KLF4: variants seen among roughly 807,000 people sequenced by gnomAD.
KLF4 encodes the protein Krueppel-like factor 4.
Under a neutral mutation model 38.0 loss-of-function variants are expected in KLF4, and 14 were observed. The ratio of observed to expected loss-of-function variants is 0.37; its 90% CI spans 0.24 to 0.58. KLF4 has a LOEUF of 0.58. Among genes scored for constraint, KLF4 ranks in the 20% least tolerant of loss-of-function variants. The pLI, the probability that KLF4 is intolerant of heterozygous loss-of-function variation, is 0.76. For missense variants in KLF4, 737 were observed against 670.1 expected (o/e 1.10, Z -1.10); for synonymous variants, 398 against 302.5 (o/e 1.32, Z -3.28).
rs1396774475 is a variant in KLF4 at position 107,487,150 on chromosome 9, G to A, written c.1142C>T (p.Pro381Leu). The A allele has an allele frequency of 3.1e-6, 5 of 1,614,058 alleles. No homozygotes were observed. The highest frequency in any genetic ancestry group is 2.2e-5 in the South Asian group (2 of 91,092). ...GGGCCACGATCGTCTTCCCCTCTTT[G>A]GCTTGGGCTCCTCTGGCATGCAGGA... is the stretch of plus-strand genomic sequence containing the variant. ...PGSCMPEEPK[P>L]KRGRRSWPRK... The change falls in exon 4 of 5, where the codon CCA (proline) becomes CTA (leucine). Residue 381 changes from proline to leucine, a missense_variant. Around this residue, in one of 2 missense-constraint regions of KLF4, gnomAD observed 695 missense variants for 554.5 expected, o/e 1.25. Transcript: ENST00000374672. This position sits in a 1 kb window ranked among gnomAD's most constrained non-coding sequence, Gnocchi z 6.1.
chr9:107,485,769 G>A lies in KLF4; in HGVS notation c.1422C>T (p.His474=), dbSNP rs1351947023. The A allele has an allele frequency of 1.3e-6, 2 of 1,597,696 alleles. No individual in the cohort carries two copies. Among genetic ancestry groups the A allele is most frequent in the East Asian group, 2.3e-5 (1 of 44,380 alleles). The change falls in exon 5 of 5, where the codon CAC becomes CAT. Residue 474 remains histidine (H), a synonymous_variant. Transcript: ENST00000374672. The surrounding 1 kb of genome is among the most constrained non-coding windows in gnomAD (Gnocchi z 4.9). ...AFSRSDHLAL[H]MKRHF ...CTGGGATTTAAAAATGCCTCTTCAT[G>A]TGTAAGGCGAGGTGGTCCGACCTGG... is the stretch of plus-strand genomic sequence containing the variant.
chr9:107,489,601 T>C lies in KLF4; in HGVS notation c.-429A>G. ...GCAAGGCGCGGACTCCGGTGAGTTG[T>C]GTGGAGCGCGCGCGGCCATGGGCGC... On this transcript the variant is annotated 5_prime_UTR_variant, in exon 1 of 5. Coordinates refer to ENST00000374672, the MANE Select transcript of KLF4 (RefSeq NM_004235.6). The C allele has an allele frequency of 6.3e-6, 1 of 159,268 alleles. No homozygotes were observed. Among genetic ancestry groups the C allele is most frequent in the East Asian group, 9.1e-5 (1 of 11,002 alleles). The allele number at this position is 159,268 out of a possible 1,614,324, so 9.9% of individuals were successfully genotyped here.
Position 107,488,954 on chromosome 9 carries a change from C to T in KLF4, c.102G>A (p.Leu34=), listed in dbSNP as rs140895626. 35 of 1,561,418 alleles carry T rather than the reference C, an allele frequency of 2.2e-5. No homozygotes were observed. The African/African-American group carries it at 4.2e-4, about 19-fold the overall frequency. Residue 34 remains leucine, a synonymous_variant, in exon 2 of 5, where the codon CTG becomes CTA. Coordinates refer to ENST00000374672, the MANE Select transcript of KLF4 (RefSeq NM_004235.6). The surrounding 1 kb of genome is among the most constrained non-coding windows in gnomAD (Gnocchi z 5.7). ...CGTTATTCGGGGCACCTGCTTGACG[C>T]AGTGTCTTCTCCCTTCCCGCCGGGC... ...ASGPAGREKT[L]RQAGAPNNRW...
At position 107,487,324 on chromosome 9, in the gene KLF4, T is replaced by C. The variant is rs914464265; in HGVS notation, c.1070A>G (p.Gln357Arg). The change falls in exon 3 of 5, where the codon CAG becomes CGG. Residue 357 changes from glutamine to arginine, a missense_variant. Gln to Arg is a conservative substitution (Grantham distance 43). Transcript: ENST00000374672. This position sits in a 1 kb window ranked among gnomAD's most constrained non-coding sequence, Gnocchi z 6.1. ...GTAATGGAGCGGCGGGACTTGCGGC[T>C]GCATCTGATCGGGCAGGAAGGATGG... ...NYPSFLPDQM[Q>R]PQVPPLHYQE... 12 of 1,567,896 alleles carry C rather than the reference T, an allele frequency of 7.7e-6. No homozygotes were observed. The highest frequency in any genetic ancestry group is 1.7e-4 in the Middle Eastern group (1 of 5,838).
chr9:107,489,471 T>G lies in KLF4; in HGVS notation c.-299A>C. 1 of 336,430 alleles carries G rather than the reference T, an allele frequency of 3.0e-6. No individual in the cohort carries two copies. The highest frequency in any genetic ancestry group is 5.3e-6 in the Non-Finnish European group (1 of 187,876). The allele number at this position is 336,430 out of a possible 1,614,324, so 20.8% of individuals were successfully genotyped here. A position where few individuals can be genotyped will look rare whatever the true frequency, so the allele number is the denominator to read the frequency against. On this transcript the variant is annotated 5_prime_UTR_variant, in exon 1 of 5. Coordinates refer to ENST00000374672, the MANE Select transcript of KLF4 (RefSeq NM_004235.6). ...GTCCCCCACCACTGTCGCGGTCGCCTCGAGTGCTGCCGTGGGCGCAGGGGC... is the reference window on the plus strand; with the variant it reads ...GTCCCCCACCACTGTCGCGGTCGCCGCGAGTGCTGCCGTGGGCGCAGGGGC...
rs1300544628 is a variant in KLF4 at position 107,488,193 on chromosome 9, C to T, written c.201G>A (p.Ala67=). Residue 67 remains alanine (A), a synonymous_variant, in exon 3 of 5, where the codon GCG becomes GCA. Coordinates refer to ENST00000374672, the MANE Select transcript of KLF4 (RefSeq NM_004235.6). This position sits in a 1 kb window ranked among gnomAD's most constrained non-coding sequence, Gnocchi z 5.7. The part of the protein sequence containing the change: ...VLPGRPYDLA[A]ATVATDLESG... ...TCTCCAGGTCTGTGGCCACGGTCGCCGCCGCCAGGTCATAGGGGCGGCCGG... is the reference window on the plus strand; with the variant it reads ...TCTCCAGGTCTGTGGCCACGGTCGCTGCCGCCAGGTCATAGGGGCGGCCGG... 6.2e-7 allele frequency: 1 copy of T among 1,612,038 alleles called. No homozygotes were observed. The highest frequency in any genetic ancestry group is 8.5e-7 in the Non-Finnish European group (1 of 1,179,716).
Position 107,485,830 on chromosome 9 carries a change from C to T in KLF4, c.1361G>A (p.Arg454His). The T allele has an allele frequency of 6.2e-7, 1 of 1,611,496 alleles. No individual in the cohort carries two copies. Among genetic ancestry groups the T allele is most frequent in the South Asian group, 1.1e-5 (1 of 90,382 alleles). The change falls in exon 5 of 5, where the codon CGC (arginine) becomes CAC (histidine). Residue 454 changes from arginine (R) to histidine (H), a missense_variant. Physicochemically the swap from Arg to His is conservative, Grantham distance 29 (BLOSUM62 0). Around this residue, in one of 2 missense-constraint regions of KLF4, gnomAD observed 42 missense variants for 115.5 expected, o/e 0.36. Transcript: ENST00000374672. The surrounding 1 kb of genome is among the most constrained non-coding windows in gnomAD (Gnocchi z 4.9). ...TRHYRKHTGH[R>H]PFQCQKCDRA... is the part of the protein sequence containing the mutation. The stretch of plus-strand genomic sequence containing the variant: ...GTCGCATTTTTGGCACTGGAACGGG[C>T]GGTGCCCCGTGTGTTTACGGTAGTG...
intron 4 of KLF4, among the ~76,000 whole-genome samples, chr9:107,486,363 C>G (rs575321462): frequency 2.6e-5 from 4 of 151,928 alleles, no homozygotes; most frequent in South Asian, 4.1e-4. Context: ...TTTACCTTTA[C>G]GTTACTGAAT....
rs1020467975 is a variant in KLF4, at chr9:107,487,169, T to C, written c.1123A>G (p.Met375Val). 1.1e-5 allele frequency: 17 copies of C among 1,614,068 alleles called. No individual in the cohort carries two copies. In the Admixed American group the frequency reaches 2.2e-4, roughly 21 times the overall value. Residue 375 changes from methionine (M) to valine (V), a missense_variant, in exon 4 of 5, where the codon ATG becomes GTG. Around this residue, in one of 2 missense-constraint regions of KLF4, gnomAD observed 695 missense variants for 554.5 expected, o/e 1.25. Transcript: ENST00000374672. The surrounding 1 kb of genome is among the most constrained non-coding windows in gnomAD (Gnocchi z 6.1). ...YQELMPPGSC[M>V]PEEPKPKRGR... ...CTCTTTGGCTTGGGCTCCTCTGGCA[T>C]GCAGGAACCGGGTGGCATGAGCTCT...
At position 107,489,161 on chromosome 9, in the gene KLF4, C is replaced by T; in HGVS notation, c.5+7G>A. 1 of 1,528,442 alleles carries T rather than the reference C, an allele frequency of 6.5e-7. No individual in the cohort carries two copies. The highest frequency in any genetic ancestry group is 1.2e-5 in the South Asian group (1 of 80,206). 94.7% of individuals were successfully genotyped at this position (1,528,442 alleles called of 1,614,324 possible). On this transcript the variant is annotated splice_region_variant and intron_variant, in intron 1 of 4. Transcript: ENST00000374672. ...TCCCTGCTCCCAGCGCCGCGCGCCT[C>T]ACCTACCTCATTAATGTGGGGGCCC... is the stretch of plus-strand genomic sequence containing the variant.
rs779971326 is a variant in KLF4, at chr9:107,485,944, A to C, written c.1265-18T>G. ...TTTCTCACCTGTAAAGGTAAAAGAAAAAAAAAATTGACGCTATTGCTATAT... is the reference window on the plus strand; with the variant it reads ...TTTCTCACCTGTAAAGGTAAAAGAACAAAAAAATTGACGCTATTGCTATAT... On this transcript the variant is annotated intron_variant, in intron 4 of 4. Transcript: ENST00000374672. The surrounding 1 kb of genome is among the most constrained non-coding windows in gnomAD (Gnocchi z 4.9). 7.8e-5 allele frequency: 124 copies of C among 1,594,134 alleles called. No homozygotes were observed. The highest frequency in any genetic ancestry group is 1.2e-4 in the South Asian group (10 of 86,706).
In KLF4 at chr9:107,489,193, T is replaced by TCCTC; in HGVS notation, c.-25_-22dup. ...CTCATTAATGTGGGGGCCCAGAAGGTCCTCGGCAGCCCGAAGCAGCTGGGG... is the reference window on the plus strand; with the variant it reads ...CTCATTAATGTGGGGGCCCAGAAGGTCCTCCCTCGGCAGCCCGAAGCAGCTGGGG... On this transcript the variant is annotated 5_prime_UTR_variant, in exon 1 of 5. Coordinates refer to ENST00000374672, the MANE Select transcript of KLF4 (RefSeq NM_004235.6). 6.7e-7 allele frequency: 1 copy of TCCTC among 1,486,392 alleles called. No homozygotes were observed. Among genetic ancestry groups the TCCTC allele is most frequent in the Admixed American group, 2.4e-5 (1 of 41,340 alleles). The allele number at this position is 1,486,392 out of a possible 1,614,324, so 92.1% of individuals were successfully genotyped here.
rs892601306 is a variant in KLF4, at chr9:107,489,240, G to A, written c.-68C>T. ...GGGGCACCTGAACCCCAAAGTCAAC[G>A]AAGAGAAGAAACGAAGCCAAAACCC... is the stretch of plus-strand genomic sequence containing the variant. On this transcript the variant is annotated 5_prime_UTR_variant, in exon 1 of 5. Transcript: ENST00000374672. The A allele has an allele frequency of 2.8e-6, 4 of 1,433,418 alleles. No individual in the cohort carries two copies. The highest frequency in any genetic ancestry group is 1.4e-5 in the African/African-American group (1 of 69,148). 88.8% of individuals were successfully genotyped at this position (1,433,418 alleles called of 1,614,324 possible).
rs867091283 is a variant in KLF4 at position 107,487,132 on chromosome 9, G to A, written c.1160C>T (p.Ser387Leu). Reference protein sequence around the residue: ...EEPKPKRGRRSWPRKRTATHT... With the variant: ...EEPKPKRGRRLWPRKRTATHT... ...GGTGGCGGTCCTTTTCCGGGGCCAC[G>A]ATCGTCTTCCCCTCTTTGGCTTGGG... Residue 387 changes from serine (S) to leucine (L), a missense_variant, in exon 4 of 5, where the codon TCG (serine) becomes TTG (leucine). Ser to Leu is a moderately radical substitution (Grantham distance 145). This residue lies in a region of KLF4 where 695 missense variants were observed against 554.5 expected (regional missense o/e 1.25). Transcript: ENST00000374672. The surrounding 1 kb of genome is among the most constrained non-coding windows in gnomAD (Gnocchi z 6.1). 18 of 1,614,210 alleles carry A rather than the reference G, an allele frequency of 1.1e-5. No individual in the cohort carries two copies. Among genetic ancestry groups the A allele is most frequent in the East Asian group, 1.1e-4 (5 of 44,864 alleles).
At chr9:107,486,954 C>T (rs937426569) in intron 4 of KLF4, 74 bp downstream of exon 4, 37 of 1,609,842 alleles carry the variant, frequency 2.3e-5, no homozygotes, top group Non-Finnish European at 3.1e-5. Context: ...GTCAAGGAGG[C>T]ACTGAGGAGT....
intron 4 of KLF4, among the ~76,000 whole-genome samples, 178 bp downstream of exon 4, chr9:107,486,850 C>G (rs1252905594): frequency 6.6e-6 from 1 of 152,064 alleles, no homozygotes; most frequent in Non-Finnish European, 1.5e-5. Flanking sequence ...CTCCAGTGAT[C>G]CCGGAGATCA....
In KLF4 at chr9:107,488,943, C is replaced by G; in HGVS notation, c.113G>C (p.Gly38Ala). The G allele has an allele frequency of 6.4e-7, 1 of 1,557,510 alleles. No homozygotes were observed. The highest frequency in any genetic ancestry group is 2.4e-5 in the East Asian group (1 of 41,532). The change falls in exon 2 of 5, where the codon GGT (glycine) becomes GCT (alanine). Residue 38 changes from glycine to alanine, a missense_variant. This residue lies in a region of KLF4 where 695 missense variants were observed against 554.5 expected (regional missense o/e 1.25). Transcript: ENST00000374672. The surrounding 1 kb of genome is among the most constrained non-coding windows in gnomAD (Gnocchi z 5.7). ...AGCGATACTCACGTTATTCGGGGCA[C>G]CTGCTTGACGCAGTGTCTTCTCCCT... Reference protein sequence around the residue: ...AGREKTLRQAGAPNNRWREEL... With the variant: ...AGREKTLRQAAAPNNRWREEL...
In KLF4 at chr9:107,489,330, A is replaced by AAAAAGACGCTTTTTATATAC. The variant is rs1209569291; in HGVS notation, c.-159_-158insGTATATAAAAAGCGTCTTTT. Reference sequence around the variant, plus strand: ...AATATAACTTGGAAGCGTCTTTTTTAAAAAGTTCCTTTGTATACAAAAGTT... The same window carrying AAAAAGACGCTTTTTATATAC: ...AATATAACTTGGAAGCGTCTTTTTTAAAAAGACGCTTTTTATATACAAAAGTTCCTTTGTATACAAAAGTT... On this transcript the variant is annotated 5_prime_UTR_variant, in exon 1 of 5. Transcript: ENST00000374672. The AAAAAGACGCTTTTTATATAC allele has an allele frequency of 2.5e-5, 26 of 1,041,728 alleles. No homozygotes were observed. Among genetic ancestry groups the AAAAAGACGCTTTTTATATAC allele is most frequent in the African/African-American group, 8.2e-5 (5 of 60,900 alleles). The allele number at this position is 1,041,728 out of a possible 1,614,324, so 64.5% of individuals were successfully genotyped here.
At position 107,489,672 on chromosome 9, in the gene KLF4, G is replaced by A. The variant is rs1235668013; in HGVS notation, c.-500C>T. 1 of 184,180 alleles carries A rather than the reference G, an allele frequency of 5.4e-6. No homozygotes were observed. The highest frequency in any genetic ancestry group is 7.7e-5 in the East Asian group (1 of 12,910). 11.4% of individuals were successfully genotyped at this position (184,180 alleles called of 1,614,324 possible). ...GGTGGGGGGCCAGAGGGGCGGGGGA[G>A]GGTCACTCGGCGGCTCCCGGTGCCG... On this transcript the variant is annotated 5_prime_UTR_variant, in exon 1 of 5. Transcript: ENST00000374672.
Sources: allele counts gnomAD v4.1 joint callset (sites outside exome capture counted in the v4.1 genomes callset), GRCh38; gene constraint gnomAD v4.1.1; regional missense constraint gnomAD v4.1.1; non-coding constraint Gnocchi (gnomAD v3.1); transcripts MANE v1.5; gene names NCBI Gene and HGNC (gene_info 2026-07-23, HGNC 2026-07-21).